The following SPEF2 variants were observed in gnomAD, a reference collection of about 807,000 sequenced individuals.
SPEF2 encodes the protein sperm flagellar and cilia associated 2.
In SPEF2, 187 loss-of-function variants were observed where a neutral mutation model predicts 224.6. That is an observed-to-expected ratio of 0.83 (90% confidence interval 0.74 to 0.94). The LOEUF is 0.94. Ranked by LOEUF, SPEF2 falls within the 40% of genes least tolerant of loss-of-function variation. SPEF2 has a pLI of 0.00. For synonymous variants in SPEF2, 715 were observed against 707.3 expected (o/e 1.01, Z -0.17); for missense variants, 2,170 against 2,135.6 (o/e 1.02, Z -0.32).
chr5:35,682,940 T>C (rs922427610), intron 10 of SPEF2, among the ~76,000 whole-genome samples: 1 of 152,168 alleles, frequency 6.6e-6, no homozygotes, highest in African/African-American at 2.4e-5. Flanking sequence ...GGGAATCCAG[T>C]GGACACACGG....
rs758847508 is a variant in SPEF2, at chr5:35,771,669, C to T, written c.3862C>T (p.Pro1288Ser). Residue 1288 changes from proline (P) to serine (S), a missense_variant, in exon 27 of 37, where the codon CCC (proline) becomes TCC (serine). Coordinates refer to ENST00000356031, the MANE Select transcript of SPEF2 (RefSeq NM_024867.4). ...AGAAAAAGAAAACCAGCCAGCAGACCCCAAAGAAAAATCTCCTCAGATGGG... is the reference window on the plus strand; with the variant it reads ...AGAAAAAGAAAACCAGCCAGCAGACTCCAAAGAAAAATCTCCTCAGATGGG... ...EEEKENQPAD[P>S]KEKSPQMGAN... 90 of 1,611,210 alleles carry T rather than the reference C, an allele frequency of 5.6e-5. No individual in the cohort carries two copies. In the South Asian group the frequency reaches 9.8e-4, roughly 18 times the overall value.
chr5:35,769,584 G>A (rs759579078), intron 26 of SPEF2, among the ~76,000 whole-genome samples: 3 of 152,154 alleles, frequency 2.0e-5, no homozygotes, highest in Non-Finnish European at 2.9e-5. Flanking sequence ...CATCCCCTTT[G>A]AGCACAGCAC....
At chr5:35,702,823 G>A (rs980768410) in intron 16 of SPEF2, among the ~76,000 whole-genome samples, 5 of 152,104 alleles carry the variant, frequency 3.3e-5, no homozygotes, top group Admixed American at 6.5e-5. Context: ...AGTATAAAAT[G>A]ACATAATATA....
chr5:35,705,972 G>A (rs539446277), intron 18 of SPEF2, among the ~76,000 whole-genome samples, 164 bp downstream of exon 18: 8 of 96,830 alleles, frequency 8.3e-5, no homozygotes, highest in African/African-American at 3.8e-4. Context: ...TGTTGTATAT[G>A]TTTCCGAATA....
At chr5:35,667,290 A>G (rs1750613533) in intron 9 of SPEF2, 31 bp downstream of exon 9, 2 of 1,530,282 alleles carry the variant, frequency 1.3e-6, no homozygotes, top group Non-Finnish European at 1.8e-6. Context: ...AACAGTAGAG[A>G]CACGATAGAG....
chr5:35,784,463 G>A (rs1754816536), intron 30 of SPEF2, among the ~76,000 whole-genome samples: 2 of 152,150 alleles, frequency 1.3e-5, no homozygotes, highest in Non-Finnish European at 2.9e-5. Context: ...CTCAGAGACA[G>A]AGGGTACACA....
chr5:35,799,177 A>G (rs1319103170), intron 33 of SPEF2, among the ~76,000 whole-genome samples: 2 of 152,194 alleles, frequency 1.3e-5, no homozygotes, highest in African/African-American at 4.8e-5. Flanking sequence ...TTCACATTTT[A>G]AAAAGGTTCT....
chr5:35,776,476 C>A, intron 29 of SPEF2, 81 bp downstream of exon 29: 1 of 1,476,248 alleles, frequency 6.8e-7, no homozygotes, highest in Non-Finnish European at 9.1e-7. Flanking sequence ...AAGGTATTTA[C>A]AAATTTAAGT....
intron 27 of SPEF2, among the ~76,000 whole-genome samples, chr5:35,772,501 G>A (rs1400264056): frequency 6.6e-6 from 1 of 152,134 alleles, no homozygotes; most frequent in Non-Finnish European, 1.5e-5. Context: ...CTTTGATAGG[G>A]GAGGTACAAG....
intron 5 of SPEF2, among the ~76,000 whole-genome samples, chr5:35,647,365 T>G (rs536779485): frequency 6.6e-6 from 1 of 151,614 alleles, no homozygotes; most frequent in East Asian, 1.9e-4. Flanking sequence ...AGGTGCCAGG[T>G]TCTTTTTAAC....
At chr5:35,758,243 GT>G (rs1750729281) in intron 24 of SPEF2, among the ~76,000 whole-genome samples, 1 of 152,074 alleles carries the variant, frequency 6.6e-6, no homozygotes, top group South Asian at 2.1e-4. Flanking sequence ...GATGCTTTCT[GT>G]AATTAACTAG....
In SPEF2 at chr5:35,700,500, A is replaced by G. The variant is rs975912128; in HGVS notation, c.2146A>G (p.Ile716Val). 10 of 1,609,846 alleles carry G rather than the reference A, an allele frequency of 6.2e-6. No individual in the cohort carries two copies. Among genetic ancestry groups the G allele is most frequent in the Non-Finnish European group, 7.6e-6 (9 of 1,178,054 alleles). Residue 716 changes from isoleucine to valine, a missense_variant, in exon 16 of 37, where the codon ATA (isoleucine) becomes GTA (valine). Coordinates refer to ENST00000356031, the MANE Select transcript of SPEF2 (RefSeq NM_024867.4). Reference sequence around the variant, plus strand: ...AGTTGTCCTGTTTCAATTTAGTGAGATACCTGTGAATCAAGACTGTATCCT... The same window carrying G: ...AGTTGTCCTGTTTCAATTTAGTGAGGTACCTGTGAATCAAGACTGTATCCT... ...VDIIVNAINE[I>V]PVNQDCILDG...
rs561627846 is a variant in SPEF2 at position 35,800,267 on chromosome 5, T to C, written c.5010+120T>C. The C allele has an allele frequency of 2.8e-5, 30 of 1,070,076 alleles. No homozygotes were observed. In the South Asian group the frequency reaches 5.0e-4, roughly 18 times the overall value. 66.3% of individuals were successfully genotyped at this position (1,070,076 alleles called of 1,614,324 possible). On this transcript the variant is annotated intron_variant, in intron 34 of 36. Coordinates refer to ENST00000356031, the MANE Select transcript of SPEF2 (RefSeq NM_024867.4). Reference sequence around the variant, plus strand: ...GTATTTTCCTAGGTGTGTAATATGATGCTTTACACATACTAGGTCTTCAAC... The same window carrying C: ...GTATTTTCCTAGGTGTGTAATATGACGCTTTACACATACTAGGTCTTCAAC...
At position 35,646,652 on chromosome 5, in the gene SPEF2, A is replaced by G. The variant is rs776592824; in HGVS notation, c.586-15A>G. 7 of 1,611,878 alleles carry G rather than the reference A, an allele frequency of 4.3e-6. No homozygotes were observed. In the Admixed American group the frequency reaches 6.7e-5, roughly 15 times the overall value. On this transcript the variant is annotated splice_polypyrimidine_tract_variant and intron_variant, in intron 4 of 36. Transcript: ENST00000356031. ...TTATTCTGAATCACTAAACTAATGT[A>G]TATGGGATATTCAGCAATACTTAAA...
intron 23 of SPEF2, among the ~76,000 whole-genome samples, chr5:35,744,762 A>G (rs1401157369): frequency 6.6e-6 from 1 of 152,178 alleles, no homozygotes; most frequent in East Asian, 1.9e-4. Flanking sequence ...TAAAAAACAA[A>G]CAAACAAACA....
At chr5:35,781,577 G>C (rs1013330652) in intron 30 of SPEF2, 21 of 152,150 alleles carry the variant, frequency 1.4e-4, no homozygotes, top group African/African-American at 4.8e-4. Context: ...TCTGTGTGAG[G>C]AACCACCTCC....
chr5:35,667,002 A>G (rs1390059877), intron 8 of SPEF2, 70 bp from the exon 9 acceptor site: 5 of 1,426,010 alleles, frequency 3.5e-6, no homozygotes, highest in Admixed American at 2.8e-5. Context: ...CTTTTTGGCC[A>G]TTGAAATGAT....
intron 10 of SPEF2, chr5:35,675,723 G>A (rs1309301437): frequency 3.5e-6 from 1 of 289,760 alleles, no homozygotes; most frequent in Non-Finnish European, 7.1e-6. Flanking sequence ...CTTTCAACGT[G>A]TTAGCCAGGA....
chr5:35,763,207 A>G lies in SPEF2; in HGVS notation c.3621-315A>G, dbSNP rs1751580242. Among the ~76,000 whole-genome samples, 7 of 152,164 alleles carry G rather than the reference A, an allele frequency of 4.6e-5. No individual in the cohort carries two copies. The South Asian group carries it at 1.5e-3, about 32-fold the overall frequency. ...CCTTCATGGGAAGTGTATGCTCTGG[A>G]ACAAATTCCAAAGTCGCTTTTCTTT... is the stretch of plus-strand genomic sequence containing the variant. On this transcript the variant is annotated intron_variant, in intron 25 of 36. Coordinates refer to ENST00000356031, the MANE Select transcript of SPEF2 (RefSeq NM_024867.4).
Sources: allele counts gnomAD v4.1 joint callset (sites outside exome capture counted in the v4.1 genomes callset), GRCh38; gene constraint gnomAD v4.1.1; transcripts MANE v1.5; gene names NCBI Gene and HGNC (gene_info 2026-07-23, HGNC 2026-07-21).